The following WWP2 variants were observed in gnomAD, a reference collection of about 807,000 sequenced individuals.
The protein encoded by WWP2 is WW domain containing E3 ubiquitin protein ligase 2.
A neutral mutation model predicts 121.0 loss-of-function variants in WWP2; 57 were observed. The observed-to-expected ratio is 0.47, with a 90% CI of 0.38 to 0.59. The LOEUF is 0.59. Ranked by LOEUF, WWP2 falls within the 20% of genes least tolerant of loss-of-function variation. The pLI is 0.00. For missense variants in WWP2, 962 were observed against 1,158.9 expected, an observed-to-expected ratio of 0.83 and a Z score of 2.47; for synonymous variants, 449 against 441.3, an observed-to-expected ratio of 1.02 and a Z score of -0.22.
chr16:69,794,074 C>T (rs1239658037), intron 2 of WWP2, among the ~76,000 whole-genome samples: 2 of 152,036 alleles, frequency 1.3e-5, no homozygotes, highest in South Asian at 2.1e-4. Flanking sequence ...TGCGCCACCA[C>T]GCCCGGCTAA....
At chr16:69,772,712 G>C (rs2055442961) in intron 1 of WWP2, among the ~76,000 whole-genome samples, 1 of 152,114 alleles carries the variant, frequency 6.6e-6, no homozygotes, top group Admixed American at 6.6e-5. Flanking sequence ...TGGCACTGGT[G>C]GGTGTGTCTT....
At chr16:69,873,053 G>A (rs1437928541) in intron 7 of WWP2, among the ~76,000 whole-genome samples, 1 of 152,206 alleles carries the variant, frequency 6.6e-6, no homozygotes, top group South Asian at 2.1e-4. Context: ...TGTAGGTAGA[G>A]GAATGCAGGT....
At chr16:69,899,726 C>CAAA (rs35485826) in intron 8 of WWP2, among the ~76,000 whole-genome samples, 2,333 of 64,110 alleles carry the variant, frequency 0.036, 226 homozygotes, top group East Asian at 0.12. Flanking sequence ...GACTCCGTCT[C>CAAA]AAAAAAAAAA....
chr16:69,908,625 C>T, intron 8 of WWP2, 136 bp from the exon 9 acceptor site: 4 of 1,498,944 alleles, frequency 2.7e-6, no homozygotes, highest in Non-Finnish European at 2.7e-6. Flanking sequence ...ACTGGCTTCG[C>T]CATTGGGTCG....
intron 8 of WWP2, among the ~76,000 whole-genome samples, chr16:69,907,699 A>G (rs1226867147): frequency 6.6e-6 from 1 of 152,168 alleles, no homozygotes; most frequent in Admixed American, 6.5e-5. Context: ...CTTGTGTATT[A>G]TCTCTGAATC....
At chr16:69,808,186 T>C (rs1005054254) in intron 4 of WWP2, among the ~76,000 whole-genome samples, 1 of 152,164 alleles carries the variant, frequency 6.6e-6, no homozygotes, top group South Asian at 2.1e-4. Context: ...AGTGAGAACA[T>C]GCAGTATGTT....
intron 6 of WWP2, among the ~76,000 whole-genome samples, chr16:69,847,248 C>T (rs1355605422): frequency 2.0e-5 from 3 of 152,010 alleles, no homozygotes; most frequent in African/African-American, 4.8e-5. Flanking sequence ...CCATGCCCGA[C>T]TAATTTTTGC....
At position 69,917,713 on chromosome 16, in the gene WWP2, G is replaced by A; in HGVS notation, c.1009G>A (p.Glu337Lys). 6.3e-7 allele frequency: 1 copy of A among 1,599,480 alleles called. No individual in the cohort carries two copies. Residue 337 changes from glutamate (E) to lysine (K), a missense_variant, in exon 10 of 24, where the codon GAA becomes AAA. Around this residue, in one of 3 missense-constraint regions of WWP2, gnomAD observed 606 missense variants for 772.6 expected, o/e 0.78. Transcript: ENST00000359154. ...TTCTGAGGTTCCTATTTCCAGCTGGGAAAAACGCACAGATCCCCGAGGCAG... is the reference window on the plus strand; with the variant it reads ...TTCTGAGGTTCCTATTTCCAGCTGGAAAAAACGCACAGATCCCCGAGGCAG... Reference protein sequence around the residue: ...TWERPLPPGWEKRTDPRGRFY... With the variant: ...TWERPLPPGWKKRTDPRGRFY...
chr16:69,931,111 G>A, intron 13 of WWP2, 41 bp from the exon 14 acceptor site: 1 of 1,596,014 alleles, frequency 6.3e-7, no homozygotes, highest in Non-Finnish European at 8.6e-7. Context: ...TTCATTTTCT[G>A]AGAAATCGCA....
intron 2 of WWP2, among the ~76,000 whole-genome samples, chr16:69,788,514 C>T (rs1426226143): frequency 2.0e-5 from 3 of 152,172 alleles, no homozygotes; most frequent in African/African-American, 4.8e-5. Flanking sequence ...ACTGGGCAGG[C>T]GTCTGCCTCT....
At chr16:69,933,499 ATTT>A (rs2058749787) in intron 16 of WWP2, among the ~76,000 whole-genome samples, 1 of 152,102 alleles carries the variant, frequency 6.6e-6, no homozygotes, top group African/African-American at 2.4e-5. Context: ...GTTGCTGTGT[ATTT>A]ACGTTATGTT....
intron 6 of WWP2, among the ~76,000 whole-genome samples, chr16:69,847,659 C>T (rs2057109234): frequency 6.6e-6 from 1 of 151,808 alleles, no homozygotes; most frequent in East Asian, 1.9e-4. Flanking sequence ...CTGCCCGCCT[C>T]GGCCTCCTAA....
chr16:69,880,231 G>A (rs55921818), intron 7 of WWP2, among the ~76,000 whole-genome samples: 10,868 of 151,560 alleles, frequency 0.072, 433 homozygotes, highest in Middle Eastern at 0.12. Flanking sequence ...GGATCCTATT[G>A]TCACAAAGAC....
At chr16:69,826,099 T>G (rs2056682703) in intron 4 of WWP2, among the ~76,000 whole-genome samples, 1 of 151,134 alleles carries the variant, frequency 6.6e-6, no homozygotes, top group Non-Finnish European at 1.5e-5. Flanking sequence ...AAACCCCATC[T>G]GCACTAAAAA....
intron 2 of WWP2, among the ~76,000 whole-genome samples, chr16:69,795,649 G>GGTT (rs775180834): frequency 3.0e-5 from 2 of 66,928 alleles, no homozygotes; most frequent in Admixed American, 2.3e-4. Context: ...AAAATAGGAG[G>GGTT]TTTTTTTTTT....
At chr16:69,892,609 C>T (rs1464115698) in intron 8 of WWP2, among the ~76,000 whole-genome samples, 1 of 152,220 alleles carries the variant, frequency 6.6e-6, no homozygotes, top group African/African-American at 2.4e-5. Context: ...TCTTGGCTCA[C>T]TGCAGCCTCA....
intron 1 of WWP2, among the ~76,000 whole-genome samples, chr16:69,767,131 C>T (rs2038750261): frequency 6.6e-6 from 1 of 151,762 alleles, no homozygotes; most frequent in Admixed American, 6.6e-5. Context: ...TTTATAGCAC[C>T]CCTGAAATCA....
At chr16:69,798,950 C>T (rs1055905830) in intron 3 of WWP2, 121 bp downstream of exon 3, 80 of 1,445,476 alleles carry the variant, frequency 5.5e-5, no homozygotes, top group Non-Finnish European at 7.2e-5. Context: ...CCTATGGTAC[C>T]CAAGGTGACT....
chr16:69,895,780 T>G (rs2058096722), intron 8 of WWP2, among the ~76,000 whole-genome samples: 1 of 152,148 alleles, frequency 6.6e-6, no homozygotes, highest in South Asian at 2.1e-4. Context: ...AAAAAAAGTT[T>G]CTAAGTGCTT....
Sources: allele counts gnomAD v4.1 joint callset (sites outside exome capture counted in the v4.1 genomes callset), GRCh38; gene constraint gnomAD v4.1.1; regional missense constraint gnomAD v4.1.1; transcripts MANE v1.5; gene names NCBI Gene and HGNC (gene_info 2026-07-23, HGNC 2026-07-21).